Variants in ADAM32 observed in about 807,000 individuals in gnomAD.
ADAM32 encodes the protein disintegrin and metalloproteinase domain-containing protein 32.
A neutral mutation model predicts 114.9 loss-of-function variants in ADAM32; 89 were observed. The ratio of observed to expected loss-of-function variants is 0.77; its 90% CI spans 0.65 to 0.92. The LOEUF is 0.92. Ranked by LOEUF, ADAM32 falls within the 40% of genes least tolerant of loss-of-function variation. The probability of loss-of-function intolerance (pLI) is 0.00; values close to 1 mark genes in which losing one functional copy is unlikely to be tolerated. For synonymous variants in ADAM32, 285 were observed against 307.5 expected, an observed-to-expected ratio of 0.93 and a Z score of 0.77; for missense variants, 870 against 932.8, an observed-to-expected ratio of 0.93 and a Z score of 0.88.
intron 19 of ADAM32, among the ~76,000 whole-genome samples, chr8:39,261,768 T>C (rs573238956): frequency 2.6e-5 from 4 of 152,286 alleles, no homozygotes; most frequent in South Asian, 2.1e-4. Flanking sequence ...GATTACCTCA[T>C]TGTGGTTTTG....
chr8:39,232,240 G>A (rs1425587880), intron 15 of ADAM32, 105 bp downstream of exon 15: 3 of 775,700 alleles, frequency 3.9e-6, no homozygotes, highest in African/African-American at 1.8e-5. Context: ...AGTATTACAT[G>A]TGCATAGGAG....
chr8:39,184,814 A>G lies in ADAM32; in HGVS notation c.916-2095A>G, dbSNP rs377193053. 1.2e-4 allele frequency among the ~76,000 whole-genome samples: 19 copies of G among 152,324 alleles called. 1 individual carries two copies. Among genetic ancestry groups the G allele is most frequent in the East Asian group, 1.2e-3 (6 of 5,192 alleles). On this transcript the variant is annotated intron_variant, in intron 10 of 24. Transcript: ENST00000379907. ...AGAAAATCTTCAGTATGATGCTCATATATTTTATTTTTAGGGTCCCTGAAA... is the reference window on the plus strand; with the variant it reads ...AGAAAATCTTCAGTATGATGCTCATGTATTTTATTTTTAGGGTCCCTGAAA...
chr8:39,148,511 G>A (rs1181143328), intron 4 of ADAM32, among the ~76,000 whole-genome samples: 1 of 148,652 alleles, frequency 6.7e-6, no homozygotes, highest in Non-Finnish European at 1.5e-5. Flanking sequence ...TCCCATGGCA[G>A]TTATCAATAC....
intron 17 of ADAM32, among the ~76,000 whole-genome samples, chr8:39,253,982 C>A (rs1314926748): frequency 6.6e-6 from 1 of 151,406 alleles, no homozygotes; most frequent in African/African-American, 2.4e-5. Context: ...TTTCAAAATA[C>A]AGTACAAAGG....
At chr8:39,203,356 T>G (rs1286055479) in intron 11 of ADAM32, among the ~76,000 whole-genome samples, 3 of 152,212 alleles carry the variant, frequency 2.0e-5, no homozygotes, top group Admixed American at 2.0e-4. Flanking sequence ...TTAGCTCTTC[T>G]TGTTGAATTG....
At chr8:39,199,470 C>G (rs1424441271) in intron 11 of ADAM32, among the ~76,000 whole-genome samples, 2 of 152,102 alleles carry the variant, frequency 1.3e-5, no homozygotes, top group Admixed American at 6.5e-5. Flanking sequence ...TCTGATTAAT[C>G]TGGTCTACTA....
chr8:39,107,675 A>C, upstream of ADAM32: 1 of 1,535,900 alleles, frequency 6.5e-7, no homozygotes, highest in Non-Finnish European at 8.8e-7. Flanking sequence ...ACGCTGTCCC[A>C]TGAACGTGCG....
chr8:39,257,110 T>G, intron 18 of ADAM32, 77 bp from the exon 19 acceptor site: 1 of 1,308,392 alleles, frequency 7.6e-7, no homozygotes, highest in South Asian at 1.6e-5. Context: ...AAGATTTTAA[T>G]GAATGTGTTG....
chr8:39,131,431 C>T (rs897647852), intron 2 of ADAM32, among the ~76,000 whole-genome samples: 1 of 152,146 alleles, frequency 6.6e-6, no homozygotes, highest in African/African-American at 2.4e-5. Flanking sequence ...GTAGAGCCTG[C>T]AGTGAGCTGA....
In ADAM32 at chr8:39,160,844, T is replaced by TA. The variant is rs565942062; in HGVS notation, c.526-46dup. 481 of 1,449,690 alleles carry TA rather than the reference T, an allele frequency of 3.3e-4. 2 individuals carry two copies. In the African/African-American group the frequency reaches 6.1e-3, roughly 18 times the overall value. The allele number at this position is 1,449,690 out of a possible 1,614,324, so 89.8% of individuals were successfully genotyped here. On this transcript the variant is annotated intron_variant, in intron 6 of 24. Coordinates refer to ENST00000379907, the MANE Select transcript of ADAM32 (RefSeq NM_145004.7). ...TATTAGCTTTAAAGAAGAGTTCAAG[T>TA]AAAAAAATTATGAAATTTTTCATGT...
upstream of ADAM32, chr8:39,107,603 C>T: frequency 6.9e-7 from 1 of 1,440,534 alleles, no homozygotes; most frequent in Non-Finnish European, 9.1e-7. Flanking sequence ...GCGCACGCTG[C>T]GGGCCCTTCG....
At chr8:39,168,541 G>C (rs1804993351) in intron 9 of ADAM32, 2 of 152,284 alleles carry the variant, frequency 1.3e-5, no homozygotes, top group South Asian at 4.1e-4. Flanking sequence ...ATGACCCTCA[G>C]GCTTTCGGCT....
At chr8:39,262,073 T>TGAAGTCTTATTTATAAAA (rs1269700044) in intron 19 of ADAM32, among the ~76,000 whole-genome samples, 1 of 152,194 alleles carries the variant, frequency 6.6e-6, no homozygotes, top group Non-Finnish European at 1.5e-5. Context: ...TTTTTGCTTT[T>TGAAGTCTTATTTATAAAA]GTCACCTGTG....
At chr8:39,195,066 G>A (rs956526626) in intron 11 of ADAM32, among the ~76,000 whole-genome samples, 3 of 152,184 alleles carry the variant, frequency 2.0e-5, no homozygotes, top group Non-Finnish European at 4.4e-5. Flanking sequence ...GGGCCAGGAA[G>A]AAGTCTCAGT....
rs1385136204 is a variant in ADAM32, at chr8:39,178,111, C to T, written c.915+8114C>T. Among the ~76,000 whole-genome samples the T allele has an allele frequency of 2.0e-5, 3 of 152,110 alleles. 1 individual carries two copies. The highest frequency in any genetic ancestry group is 4.4e-5 in the Non-Finnish European group (3 of 68,014). On this transcript the variant is annotated intron_variant, in intron 10 of 24. Coordinates refer to ENST00000379907, the MANE Select transcript of ADAM32 (RefSeq NM_145004.7). ...TGGATGACATCCTGAAGTATGTTTT[C>T]CAACTTGGTTCTGTTCTCCCCATCT...
chr8:39,185,604 G>C (rs766128661), intron 10 of ADAM32, among the ~76,000 whole-genome samples: 27 of 152,060 alleles, frequency 1.8e-4, no homozygotes, highest in Non-Finnish European at 1.8e-4. Flanking sequence ...CTGACAGTAG[G>C]CTCCCATTAA....
In ADAM32 at chr8:39,118,023, T is replaced by A. The variant is rs115687239; in HGVS notation, c.59-63T>A. ...CACAAGTAAACTTTATGAAAGAAAC[T>A]GAACAGATATTTAATCAAATTAAGG... is the stretch of plus-strand genomic sequence containing the variant. On this transcript the variant is annotated intron_variant, in intron 1 of 24. Coordinates refer to ENST00000379907, the MANE Select transcript of ADAM32 (RefSeq NM_145004.7). The A allele has an allele frequency of 3.9e-3, 4,288 of 1,095,972 alleles. 139 individuals are homozygous for A. In the African/African-American group the frequency reaches 0.062, roughly 16 times the overall value. The allele number at this position is 1,095,972 out of a possible 1,614,324, so 67.9% of individuals were successfully genotyped here. A position where few individuals can be genotyped will look rare whatever the true frequency, so the allele number is the denominator to read the frequency against.
intron 3 of ADAM32, among the ~76,000 whole-genome samples, chr8:39,142,512 C>A (rs558873947): frequency 3.3e-5 from 5 of 152,176 alleles, no homozygotes; most frequent in Admixed American, 6.5e-5. Context: ...CTTTTCTTTA[C>A]GAATGTTGAA....
chr8:39,121,450 G>C (rs569820119), intron 2 of ADAM32, among the ~76,000 whole-genome samples: 5 of 152,056 alleles, frequency 3.3e-5, no homozygotes, highest in Admixed American at 2.6e-4. Flanking sequence ...GGGCCAGTCG[G>C]GGGGTGGAGG....
Sources: allele counts gnomAD v4.1 joint callset (sites outside exome capture counted in the v4.1 genomes callset), GRCh38; gene constraint gnomAD v4.1.1; transcripts MANE v1.5; gene names NCBI Gene and HGNC (gene_info 2026-07-23, HGNC 2026-07-21).